NTNG1: variants seen among roughly 807,000 people sequenced by gnomAD.
The protein encoded by NTNG1 is netrin G1, also known as netrin-G1.
A neutral mutation model predicts 54.0 loss-of-function variants in NTNG1; 16 were observed. That is an observed-to-expected ratio of 0.30 (90% CI 0.20 to 0.45). The LOEUF is 0.45. Among genes scored for constraint, NTNG1 ranks in the 20% least tolerant of loss-of-function variants. The probability of loss-of-function intolerance (pLI) is 1.00; values close to 1 mark genes in which losing one functional copy is unlikely to be tolerated. For missense variants in NTNG1, 530 were observed against 678.7 expected (o/e 0.78, Z 2.43); for synonymous variants, 255 against 263.1 (o/e 0.97, Z 0.30).
At chr1:107,446,843 T>A (rs144913473) in intron 7 of NTNG1, among the ~76,000 whole-genome samples, 4 of 152,212 alleles carry the variant, frequency 2.6e-5, no homozygotes, top group African/African-American at 9.6e-5. Flanking sequence ...ACAGAGTGAT[T>A]GATTGTCTTG....
chr1:107,199,170 A>T (rs1347385146), intron 2 of NTNG1, among the ~76,000 whole-genome samples: 1 of 151,814 alleles, frequency 6.6e-6, no homozygotes, highest in African/African-American at 2.4e-5. Flanking sequence ...AATACCATAT[A>T]TTCTATATAT....
At chr1:107,320,629 A>G (rs1045339247) in intron 2 of NTNG1, among the ~76,000 whole-genome samples, 1 of 151,698 alleles carries the variant, frequency 6.6e-6, no homozygotes, top group Non-Finnish European at 1.5e-5. Flanking sequence ...TCTTTGGGGA[A>G]GGATAAGATT....
intron 3 of NTNG1, among the ~76,000 whole-genome samples, chr1:107,392,375 T>A (rs1480109675): frequency 6.6e-6 from 1 of 151,472 alleles, no homozygotes; most frequent in South Asian, 2.1e-4. Context: ...AGTTAAGGAG[T>A]GCAGACAAAG....
At chr1:107,285,029 T>C (rs537713689) in intron 2 of NTNG1, among the ~76,000 whole-genome samples, 3 of 152,176 alleles carry the variant, frequency 2.0e-5, no homozygotes, top group Admixed American at 1.3e-4. Flanking sequence ...ATAAAAATAT[T>C]TTTGACCTAT....
In NTNG1 at chr1:107,400,651, G is replaced by T. The variant is rs1570874348; in HGVS notation, c.1060+5325G>T. Among the ~76,000 whole-genome samples, 2 of 147,504 alleles carry T rather than the reference G, an allele frequency of 1.4e-5. 1 individual carries two copies. Reference sequence around the variant, plus strand: ...GTCTTCATCAACGTTTGTGGAATAAGTTTTTTTTTTTTTTGAGATGTAGTT... The same window carrying T: ...GTCTTCATCAACGTTTGTGGAATAATTTTTTTTTTTTTTTGAGATGTAGTT... On this transcript the variant is annotated intron_variant, in intron 4 of 7. Transcript: ENST00000370068.
intron 4 of NTNG1, among the ~76,000 whole-genome samples, chr1:107,403,426 G>A (rs191482075): frequency 4.5e-4 from 69 of 151,970 alleles, no homozygotes; most frequent in African/African-American, 1.4e-3. Flanking sequence ...CTCATGCACT[G>A]GGGCTGAGCG....
chr1:107,412,701 T>A (rs1673908007), intron 5 of NTNG1, among the ~76,000 whole-genome samples: 1 of 152,158 alleles, frequency 6.6e-6, no homozygotes, highest in African/African-American at 2.4e-5. Context: ...ACAAGCATGG[T>A]GTCTGAGGAC....
At chr1:107,277,506 G>A (rs1370101849) in intron 2 of NTNG1, among the ~76,000 whole-genome samples, 1 of 152,140 alleles carries the variant, frequency 6.6e-6, no homozygotes, top group African/African-American at 2.4e-5. Context: ...AGAATCCTAG[G>A]TAAGCTTCAA....
At chr1:107,315,889 G>A (rs1490240630) in intron 2 of NTNG1, among the ~76,000 whole-genome samples, 1 of 152,108 alleles carries the variant, frequency 6.6e-6, no homozygotes, top group Admixed American at 6.6e-5. Context: ...TTGAATGAAT[G>A]AATCAGTGAG....
chr1:107,386,224 C>G (rs1437237429), intron 3 of NTNG1, among the ~76,000 whole-genome samples: 2 of 147,572 alleles, frequency 1.4e-5, no homozygotes, highest in Non-Finnish European at 3.0e-5. Context: ...GACTGGAGTT[C>G]AATGGCATGA....
intron 2 of NTNG1, among the ~76,000 whole-genome samples, chr1:107,220,590 C>T (rs1421356752): frequency 1.3e-5 from 2 of 152,240 alleles, no homozygotes; most frequent in Non-Finnish European, 2.9e-5. Flanking sequence ...CCTAACTCCA[C>T]TACTTAGTAG....
intron 7 of NTNG1, among the ~76,000 whole-genome samples, chr1:107,464,636 T>C (rs1677488282): frequency 1.3e-5 from 2 of 152,056 alleles, no homozygotes; most frequent in African/African-American, 4.8e-5. Context: ...TCAGACAGCA[T>C]ACCAAGCAGC....
chr1:107,295,651 T>C lies in NTNG1; in HGVS notation c.247-28631T>C, dbSNP rs1665898094. 5.9e-5 allele frequency among the ~76,000 whole-genome samples: 9 copies of C among 152,260 alleles called. No individual in the cohort carries two copies. The South Asian group carries it at 1.9e-3, about 32-fold the overall frequency. ...AGGATTATTTATACATTAATAACAA[T>C]GTACATAGAGAACCAGGGATATAGT... On this transcript the variant is annotated intron_variant, in intron 2 of 7. Coordinates refer to ENST00000370068, the MANE Select transcript of NTNG1 (RefSeq NM_001113226.3).
chr1:107,334,860 A>G (rs984195854), intron 3 of NTNG1, among the ~76,000 whole-genome samples: 2 of 151,996 alleles, frequency 1.3e-5, no homozygotes, highest in Non-Finnish European at 2.9e-5. Flanking sequence ...CATCACGTAG[A>G]GGACCATTCT....
chr1:107,249,053 G>A (rs1221947311), intron 2 of NTNG1, among the ~76,000 whole-genome samples: 1 of 151,414 alleles, frequency 6.6e-6, no homozygotes, highest in African/African-American at 2.4e-5. Flanking sequence ...CAGCTTCTTG[G>A]GAGGCTGAGG....
At chr1:107,340,155 A>G (rs1214892604) in intron 3 of NTNG1, among the ~76,000 whole-genome samples, 1 of 152,072 alleles carries the variant, frequency 6.6e-6, no homozygotes, top group Admixed American at 6.6e-5. Flanking sequence ...AATCATTTTA[A>G]ATGGTTGATT....
At chr1:107,344,009 A>G (rs1170180730) in intron 3 of NTNG1, among the ~76,000 whole-genome samples, 1 of 152,040 alleles carries the variant, frequency 6.6e-6, no homozygotes, top group Admixed American at 6.6e-5. Context: ...TCCAACAATG[A>G]TCCTGAGTCC....
chr1:107,170,760 C>A (rs1274154853), intron 2 of NTNG1, among the ~76,000 whole-genome samples: 1 of 152,036 alleles, frequency 6.6e-6, no homozygotes, highest in Non-Finnish European at 1.5e-5. Flanking sequence ...CTATTATAAG[C>A]TAAGTTCCAA....
intron 7 of NTNG1, among the ~76,000 whole-genome samples, chr1:107,441,213 T>G (rs1675943689): frequency 7.1e-6 from 1 of 140,626 alleles, no homozygotes; most frequent in Non-Finnish European, 1.5e-5. Flanking sequence ...CCAAAGTAAC[T>G]GGACGTAAAG....
Sources: allele counts gnomAD v4.1 joint callset (sites outside exome capture counted in the v4.1 genomes callset), GRCh38; gene constraint gnomAD v4.1.1; transcripts MANE v1.5; gene names NCBI Gene and HGNC (gene_info 2026-07-23, HGNC 2026-07-21).